Variants in PRTFDC1 observed in about 807,000 individuals in gnomAD.
PRTFDC1 encodes the protein phosphoribosyl transferase domain containing 1.
A neutral mutation model predicts 34.6 loss-of-function variants in PRTFDC1; 38 were observed. The ratio of observed to expected loss-of-function variants is 1.10; its 90% CI spans 0.85 to 1.44. The LOEUF (loss-of-function observed/expected upper bound fraction) is 1.44, where lower values mean the gene tolerates loss of function less well. PRTFDC1 is among the 40% of genes most tolerant of loss of function. The pLI, the probability that PRTFDC1 is intolerant of heterozygous loss-of-function variation, is 0.00. For synonymous variants in PRTFDC1, 93 were observed against 98.1 expected (o/e 0.95, Z 0.31); for missense variants, 270 against 283.0 (o/e 0.95, Z 0.33).
At chr10:24,926,125 G>A (rs745419734) in intron 3 of PRTFDC1, among the ~76,000 whole-genome samples, 18 of 152,174 alleles carry the variant, frequency 1.2e-4, no homozygotes, top group Non-Finnish European at 2.4e-4. Context: ...TGGTGTTAAA[G>A]GACCTAGTTT....
chr10:24,877,197 G>A (rs911008780), intron 3 of PRTFDC1, among the ~76,000 whole-genome samples: 1 of 151,918 alleles, frequency 6.6e-6, no homozygotes, highest in Non-Finnish European at 1.5e-5. Context: ...CACCATGCCC[G>A]ACTAATTTTT....
At chr10:24,951,167 T>G (rs1234816318) in intron 1 of PRTFDC1, among the ~76,000 whole-genome samples, 1 of 152,166 alleles carries the variant, frequency 6.6e-6, no homozygotes, top group African/African-American at 2.4e-5. Context: ...CTTCAGATCT[T>G]GGCTCAAAGG....
intron 2 of PRTFDC1, among the ~76,000 whole-genome samples, chr10:24,939,118 C>T (rs948527455): frequency 2.0e-5 from 3 of 151,678 alleles, no homozygotes; most frequent in Admixed American, 6.6e-5. Flanking sequence ...CTGGCCAACA[C>T]GGTGAAACCC....
At chr10:24,857,909 G>A (rs149031328) in intron 5 of PRTFDC1, among the ~76,000 whole-genome samples, 1,638 of 151,756 alleles carry the variant, frequency 0.011, 29 homozygotes, top group African/African-American at 0.037. Flanking sequence ...AACGAAAAAC[G>A]AAAAACAAAA....
intron 1 of PRTFDC1, among the ~76,000 whole-genome samples, chr10:24,946,697 A>C (rs1035865652): frequency 6.6e-6 from 1 of 152,256 alleles, no homozygotes; most frequent in African/African-American, 2.4e-5. Context: ...GACTCATATC[A>C]GTTTCTGGTC....
intron 3 of PRTFDC1, among the ~76,000 whole-genome samples, chr10:24,882,052 C>T (rs546657233): frequency 6.6e-6 from 1 of 151,836 alleles, no homozygotes; most frequent in South Asian, 2.1e-4. Flanking sequence ...ACTAAAAATA[C>T]AAAAATTAGC....
chr10:24,862,634 C>G (rs1847700462), intron 4 of PRTFDC1, among the ~76,000 whole-genome samples: 1 of 151,908 alleles, frequency 6.6e-6, no homozygotes, highest in African/African-American at 2.4e-5. Context: ...CTTGGCCTCC[C>G]AAATTTCTCT....
chr10:24,891,929 C>A (rs1391294125), intron 3 of PRTFDC1, among the ~76,000 whole-genome samples: 3 of 152,106 alleles, frequency 2.0e-5, no homozygotes, highest in Admixed American at 6.5e-5. Context: ...ACATAACCTC[C>A]CCCAGGTTTG....
chr10:24,856,113 C>CA lies in PRTFDC1; in HGVS notation c.507-750dup, dbSNP rs56982921. On this transcript the variant is annotated intron_variant, in intron 6 of 8. Coordinates refer to ENST00000320152, the MANE Select transcript of PRTFDC1 (RefSeq NM_020200.7). ...TGGGTGACAGAGCAAGACTCCGTCTCAAAAAAAAAAAAAAAAAAAAAAAAA... is the reference window on the plus strand; with the variant it reads ...TGGGTGACAGAGCAAGACTCCGTCTCAAAAAAAAAAAAAAAAAAAAAAAAAA... 5.4e-3 allele frequency among the ~76,000 whole-genome samples: 222 copies of CA among 41,114 alleles called. 12 individuals carry two copies. Among genetic ancestry groups the CA allele is most frequent in the African/African-American group, 0.012 (111 of 9,246 alleles). 27.0% of individuals were successfully genotyped at this position (41,114 alleles called of 152,430 possible). A position where few individuals can be genotyped will look rare whatever the true frequency, so the allele number is the denominator to read the frequency against.
At chr10:24,864,166 A>G (rs1012494126) in intron 4 of PRTFDC1, among the ~76,000 whole-genome samples, 1 of 152,136 alleles carries the variant, frequency 6.6e-6, no homozygotes, top group African/African-American at 2.4e-5. Context: ...GTTGCTTCTT[A>G]TGGATGAGCA....
At chr10:24,914,255 GA>G (rs1177472861) in intron 3 of PRTFDC1, among the ~76,000 whole-genome samples, 30 of 152,134 alleles carry the variant, frequency 2.0e-4, no homozygotes, top group Admixed American at 2.0e-3. Flanking sequence ...CAAGAGTGAG[GA>G]ATGTGACTAT....
At chr10:24,887,270 G>T (rs551800413) in intron 3 of PRTFDC1, among the ~76,000 whole-genome samples, 2 of 152,098 alleles carry the variant, frequency 1.3e-5, no homozygotes, top group African/African-American at 2.4e-5. Flanking sequence ...GCGCCCGGCC[G>T]TTAATACTCC....
At position 24,914,379 on chromosome 10, in the gene PRTFDC1, T is replaced by C. The variant is rs140552542; in HGVS notation, c.339+22805A>G. On this transcript the variant is annotated intron_variant, in intron 3 of 8. Transcript: ENST00000320152. ...CATTTGCTATCTGCTTTCTATTTTG[T>C]GAACTAGGGAGAATAAAGCCAACAC... 1.5e-3 allele frequency among the ~76,000 whole-genome samples: 226 copies of C among 152,306 alleles called. No individual in the cohort carries two copies. The East Asian group carries it at 0.015, about 10-fold the overall frequency.
At chr10:24,873,036 G>A (rs1847904327) in intron 3 of PRTFDC1, among the ~76,000 whole-genome samples, 1 of 151,562 alleles carries the variant, frequency 6.6e-6, no homozygotes, top group Non-Finnish European at 1.5e-5. Context: ...ATGTTGTCCA[G>A]ACTGGTCTTG....
rs1847841000 is a variant in PRTFDC1 at position 24,869,491 on chromosome 10, A to G, written c.405+2507T>C. On this transcript the variant is annotated intron_variant, in intron 4 of 8. Transcript: ENST00000320152. The stretch of plus-strand genomic sequence containing the variant: ...ACAGCTGAAAAACTCCACAAACAAT[A>G]CATTGCCTCTACCTACATGATCCGT... Among the ~76,000 whole-genome samples, 3 of 152,166 alleles carry G rather than the reference A, an allele frequency of 2.0e-5. No individual in the cohort carries two copies. In the South Asian group the frequency reaches 6.2e-4, roughly 32 times the overall value.
intron 6 of PRTFDC1, among the ~76,000 whole-genome samples, chr10:24,856,005 A>T (rs959456641): frequency 4.0e-5 from 6 of 148,970 alleles, no homozygotes; most frequent in African/African-American, 1.5e-4. Context: ...TCTCAGCTAC[A>T]TGGGAGTCTG....
intron 1 of PRTFDC1, among the ~76,000 whole-genome samples, chr10:24,950,849 C>A (rs964924065): frequency 1.3e-5 from 2 of 152,152 alleles, no homozygotes; most frequent in Non-Finnish European, 2.9e-5. Flanking sequence ...ACATATTATT[C>A]TTTTTGCTGA....
intron 3 of PRTFDC1, among the ~76,000 whole-genome samples, chr10:24,909,496 T>A (rs1442756303): frequency 1.3e-5 from 2 of 152,208 alleles, no homozygotes; most frequent in Admixed American, 6.5e-5. Flanking sequence ...TTTGTCCCCC[T>A]AATTCACAGG....
At chr10:24,950,655 C>G (rs117531893) in intron 1 of PRTFDC1, among the ~76,000 whole-genome samples, 246 of 151,974 alleles carry the variant, frequency 1.6e-3, no homozygotes, top group Non-Finnish European at 3.2e-3. Flanking sequence ...TCCTGCTCAA[C>G]AATGCTCTAT....
Sources: allele counts gnomAD v4.1 joint callset (sites outside exome capture counted in the v4.1 genomes callset), GRCh38; gene constraint gnomAD v4.1.1; transcripts MANE v1.5; gene names NCBI Gene and HGNC (gene_info 2026-07-23, HGNC 2026-07-21).